CCDC171: variants seen among roughly 807,000 people sequenced by gnomAD.
The protein encoded by CCDC171 is coiled-coil domain containing 171.
Under a neutral mutation model 168.2 loss-of-function variants are expected in CCDC171, and 177 were observed. The ratio of observed to expected loss-of-function variants is 1.05; its 90% CI spans 0.93 to 1.19. The LOEUF (loss-of-function observed/expected upper bound fraction) is 1.19. CCDC171 is among the 50% of genes most tolerant of loss of function. CCDC171 has a pLI of 0.00. For missense variants in CCDC171, 1,991 were observed against 1,539.0 expected, an observed-to-expected ratio of 1.29 and a Z score of -4.91; for synonymous variants, 687 against 540.8, an observed-to-expected ratio of 1.27 and a Z score of -3.75.
At chr9:15,615,032 A>G (rs1241736546) in intron 6 of CCDC171, among the ~76,000 whole-genome samples, 2 of 152,200 alleles carry the variant, frequency 1.3e-5, no homozygotes, top group East Asian at 3.8e-4. Context: ...AAACATCTTG[A>G]TAGCATAATC....
intron 1 of CCDC171, among the ~76,000 whole-genome samples, chr9:16,049,406 G>A (rs932679792): frequency 6.6e-6 from 1 of 152,190 alleles, no homozygotes; most frequent in Admixed American, 6.5e-5. Flanking sequence ...TAGTGTGTGA[G>A]TCTGAATGAA....
At chr9:15,650,876 T>C (rs1187037098) in intron 7 of CCDC171, among the ~76,000 whole-genome samples, 2 of 152,152 alleles carry the variant, frequency 1.3e-5, no homozygotes, top group Admixed American at 6.6e-5. Flanking sequence ...TCAAGATCTC[T>C]CTTCCAGCTA....
intron 3 of CCDC171, among the ~76,000 whole-genome samples, chr9:15,983,815 AGAGTGTGTGTGTGTGTGT>A (rs1831887771): frequency 8.0e-6 from 1 of 124,510 alleles, no homozygotes; most frequent in Non-Finnish European, 1.7e-5. Context: ...CTAAATAAAG[AGAGTGTGTGTGTGTGTGT>A]GTGTGTGTGT....
At chr9:15,657,059 G>T (rs2047994358) in intron 7 of CCDC171, 68 bp from the exon 8 acceptor site, 15 of 842,178 alleles carry the variant, frequency 1.8e-5, no homozygotes, top group Middle Eastern at 3.8e-4. Flanking sequence ...TATAATGCTG[G>T]ACTGTAGTGA....
intron 24 of CCDC171, among the ~76,000 whole-genome samples, chr9:15,917,020 T>A (rs1824623837): frequency 6.6e-6 from 1 of 151,976 alleles, no homozygotes; most frequent in Non-Finnish European, 1.5e-5. Context: ...TGTAAAATAA[T>A]GTGATCTTTT....
At chr9:15,663,705 A>G (rs907725167) in intron 8 of CCDC171, among the ~76,000 whole-genome samples, 8 of 148,354 alleles carry the variant, frequency 5.4e-5, no homozygotes, top group Admixed American at 4.8e-4. Flanking sequence ...TCCCAGATTC[A>G]TGCCATTCTC....
the CCDC171 span, among the ~76,000 whole-genome samples, chr9:16,102,393 C>G: frequency 6.6e-6 from 1 of 151,166 alleles, no homozygotes; most frequent in South Asian, 2.1e-4. Context: ...GATGTAGTTG[C>G]TGGCTCGCTA....
At chr9:15,992,912 G>A (rs1056853715) in intron 3 of CCDC171, among the ~76,000 whole-genome samples, 4 of 152,086 alleles carry the variant, frequency 2.6e-5, no homozygotes, top group Non-Finnish European at 5.9e-5. Flanking sequence ...TCTTCATGGA[G>A]AATTACAAAC....
chr9:16,001,553 C>G (rs185305055), intron 3 of CCDC171, among the ~76,000 whole-genome samples: 74 of 152,166 alleles, frequency 4.9e-4, no homozygotes, highest in African/African-American at 1.7e-3. Flanking sequence ...TTTGCTATTC[C>G]AGTCATGCAC....
At chr9:15,901,438 AG>A in intron 24 of CCDC171, among the ~76,000 whole-genome samples, 1 of 152,158 alleles carries the variant, frequency 6.6e-6, no homozygotes. Context: ...TTATGTGTAT[AG>A]GGGCAGAGCA....
intron 3 of CCDC171, among the ~76,000 whole-genome samples, chr9:15,987,442 A>C (rs888150305): frequency 2.6e-5 from 4 of 152,150 alleles, no homozygotes; most frequent in African/African-American, 9.7e-5. Context: ...AAGAAAAAGC[A>C]ACAATATTGT....
intron 25 of CCDC171, among the ~76,000 whole-genome samples, chr9:15,961,025 G>A (rs1184426224): frequency 6.6e-6 from 1 of 152,058 alleles, no homozygotes; most frequent in Non-Finnish European, 1.5e-5. Context: ...AAAAAAAAAT[G>A]GGTTTCAAAT....
intron 25 of CCDC171, among the ~76,000 whole-genome samples, chr9:15,970,460 C>A (rs1831239344): frequency 6.6e-6 from 1 of 151,668 alleles, no homozygotes; most frequent in East Asian, 1.9e-4. Flanking sequence ...TATAACCAGA[C>A]TTGTTATTTC....
At chr9:15,623,241 T>A in intron 6 of CCDC171, 26 bp from the exon 7 acceptor site, 1 of 1,534,134 alleles carries the variant, frequency 6.5e-7, no homozygotes, top group Non-Finnish European at 8.8e-7. Flanking sequence ...TAAACTTTAT[T>A]GATGCAAAAA....
intron 16 of CCDC171, among the ~76,000 whole-genome samples, chr9:15,737,076 AT>A (rs968996863): frequency 4.7e-5 from 7 of 150,166 alleles, no homozygotes; most frequent in East Asian, 1.9e-4. Context: ...TATTTCTCGG[AT>A]TTTTTTTTTC....
Position 15,631,752 on chromosome 9 carries a change from A to G in CCDC171, c.822+8339A>G, listed in dbSNP as rs1207064491. Among the ~76,000 whole-genome samples, 5 of 152,328 alleles carry G rather than the reference A, an allele frequency of 3.3e-5. No homozygotes were observed. The East Asian group carries it at 7.7e-4, about 23-fold the overall frequency. On this transcript the variant is annotated intron_variant, in intron 7 of 25. Transcript: ENST00000380701. ...TTTTAGACCACTATCCTTGATGAAG[A>G]TTGATGCAAAAATCCTCAGTAAAAT...
intron 7 of CCDC171, among the ~76,000 whole-genome samples, chr9:15,650,238 G>A (rs1029252047): frequency 1.4e-4 from 21 of 152,056 alleles, no homozygotes; most frequent in Non-Finnish European, 5.9e-5. Flanking sequence ...ATCACACACC[G>A]GGGCCTGTCG....
At chr9:15,621,743 C>T (rs1587476798) in intron 6 of CCDC171, among the ~76,000 whole-genome samples, 2 of 152,122 alleles carry the variant, frequency 1.3e-5, no homozygotes, top group South Asian at 2.1e-4. Flanking sequence ...GAACTAAAAA[C>T]AGAACTACCT....
At chr9:16,099,151 A>G in the CCDC171 span, among the ~76,000 whole-genome samples, 1 of 152,342 alleles carries the variant, frequency 6.6e-6, no homozygotes, top group Admixed American at 6.5e-5. Flanking sequence ...TTTAAGGCTT[A>G]TTTAAAACAT....
Sources: gnomAD v4.1 joint callset for allele counts (sites outside exome capture counted in the v4.1 genomes callset) on GRCh38, gnomAD v4.1.1 for gene constraint, MANE v1.5 for transcripts, NCBI Gene and HGNC (gene_info 2026-07-23, HGNC 2026-07-21) for gene names.